CCDC171: variants seen among roughly 807,000 people sequenced by gnomAD.
CCDC171 encodes the protein coiled-coil domain-containing protein 171.
CCDC171 carries 177 observed loss-of-function variants against 168.2 expected under a neutral mutation model. That is an observed-to-expected ratio of 1.05 (90% CI 0.93 to 1.19). The LOEUF (loss-of-function observed/expected upper bound fraction) is 1.19. CCDC171 is among the 50% of genes most tolerant of loss of function. The probability of loss-of-function intolerance (pLI) is 0.00; values close to 1 mark genes in which losing one functional copy is unlikely to be tolerated. For missense variants in CCDC171, 1,991 were observed against 1,539.0 expected (o/e 1.29, Z -4.91); for synonymous variants, 687 against 540.8 (o/e 1.27, Z -3.75).
At chr9:15,618,690 A>T (rs144282991) in intron 6 of CCDC171, among the ~76,000 whole-genome samples, 1 of 152,148 alleles carries the variant, frequency 6.6e-6, no homozygotes, top group Non-Finnish European at 1.5e-5. Flanking sequence ...GCAAAAATCC[A>T]TGGGAAAAGC....
chr9:15,799,038 A>G (rs1240178352), intron 21 of CCDC171, among the ~76,000 whole-genome samples: 1 of 150,860 alleles, frequency 6.6e-6, no homozygotes, highest in Non-Finnish European at 1.5e-5. Flanking sequence ...CCTGTATTCT[A>G]AACTCCATAC....
At chr9:15,825,622 C>G (rs1354434869) in intron 21 of CCDC171, among the ~76,000 whole-genome samples, 2 of 152,090 alleles carry the variant, frequency 1.3e-5, no homozygotes, top group Non-Finnish European at 2.9e-5. Flanking sequence ...GATTGCCCAA[C>G]TTCATTACCC....
intron 8 of CCDC171, among the ~76,000 whole-genome samples, chr9:15,660,288 C>G (rs545308021): frequency 6.6e-6 from 1 of 152,146 alleles, no homozygotes; most frequent in East Asian, 1.9e-4. Context: ...CTGAAGTTTT[C>G]TTTTTCTTTT....
At chr9:15,584,696 T>C (rs1191802447) in intron 4 of CCDC171, among the ~76,000 whole-genome samples, 7 of 152,194 alleles carry the variant, frequency 4.6e-5, no homozygotes, top group Admixed American at 4.6e-4. Context: ...ACCTTCCTTC[T>C]GAGGCCCTCC....
intron 21 of CCDC171, among the ~76,000 whole-genome samples, chr9:15,835,344 A>C (rs2060397206): frequency 6.6e-6 from 1 of 152,228 alleles, no homozygotes; most frequent in South Asian, 2.1e-4. Flanking sequence ...GCACATTAAA[A>C]ATCAGTTTTA....
At chr9:15,721,923 C>A in intron 12 of CCDC171, 48 bp downstream of exon 12, 2 of 931,570 alleles carry the variant, frequency 2.1e-6, no homozygotes, top group Non-Finnish European at 3.1e-6. Flanking sequence ...TCGGCCTGTA[C>A]CAGTACGTAT....
intron 11 of CCDC171, among the ~76,000 whole-genome samples, chr9:15,704,961 G>T (rs924496406): frequency 2.0e-5 from 3 of 152,138 alleles, no homozygotes; most frequent in Non-Finnish European, 4.4e-5. Flanking sequence ...CCATTTATGA[G>T]CTTAGGTTAC....
intron 1 of CCDC171, among the ~76,000 whole-genome samples, chr9:16,058,597 G>C (rs565363343): frequency 6.6e-6 from 1 of 152,170 alleles, no homozygotes; most frequent in Non-Finnish European, 1.5e-5. Flanking sequence ...AGGAGTTACC[G>C]ATTCAGAAAC....
chr9:15,727,492 G>A (rs1020166367), intron 14 of CCDC171, among the ~76,000 whole-genome samples: 1 of 152,042 alleles, frequency 6.6e-6, no homozygotes, highest in Non-Finnish European at 1.5e-5. Flanking sequence ...TAGAATTACT[G>A]TACTGAGTTA....
chr9:15,998,439 C>G (rs936596186), intron 3 of CCDC171, among the ~76,000 whole-genome samples: 13 of 152,154 alleles, frequency 8.5e-5, no homozygotes, highest in Admixed American at 5.2e-4. Context: ...GTCTGTGGAT[C>G]AGGCATTTCA....
chr9:16,007,269 G>C (rs543568539), intron 3 of CCDC171, among the ~76,000 whole-genome samples: 2 of 151,760 alleles, frequency 1.3e-5, no homozygotes, highest in Non-Finnish European at 2.9e-5. Context: ...GCCCACTTTT[G>C]GATGGGGTTG....
intron 9 of CCDC171, among the ~76,000 whole-genome samples, chr9:15,676,964 G>T (rs561110158): frequency 6.6e-6 from 1 of 152,074 alleles, no homozygotes; most frequent in Non-Finnish European, 1.5e-5. Flanking sequence ...AATAATACGT[G>T]TGTTTCCATA....
At chr9:15,808,785 A>G (rs142263224) in intron 21 of CCDC171, among the ~76,000 whole-genome samples, 82 of 152,276 alleles carry the variant, frequency 5.4e-4, no homozygotes, top group African/African-American at 1.8e-3. Context: ...ACCCAGAATG[A>G]TAGGATGTTG....
At chr9:15,587,299 G>T (rs2041640874) in intron 4 of CCDC171, among the ~76,000 whole-genome samples, 1 of 152,174 alleles carries the variant, frequency 6.6e-6, no homozygotes, top group African/African-American at 2.4e-5. Context: ...GACCCAGTGG[G>T]AGATGATTGC....
intron 24 of CCDC171, among the ~76,000 whole-genome samples, chr9:15,903,160 G>C (rs1821961000): frequency 6.6e-6 from 1 of 152,198 alleles, no homozygotes; most frequent in Non-Finnish European, 1.5e-5. Flanking sequence ...AAATGTCCCT[G>C]TCTGACAGCT....
chr9:15,780,053 G>C (rs1172889665), intron 20 of CCDC171, among the ~76,000 whole-genome samples: 1 of 152,210 alleles, frequency 6.6e-6, no homozygotes, highest in Non-Finnish European at 1.5e-5. Context: ...GGAATTTACA[G>C]TTTTAACATT....
intron 21 of CCDC171, among the ~76,000 whole-genome samples, chr9:15,829,866 A>C (rs2060159095): frequency 6.6e-6 from 1 of 152,120 alleles, no homozygotes; most frequent in Non-Finnish European, 1.5e-5. Context: ...GCTGCAGTGA[A>C]CCATGATTGT....
At chr9:15,794,126 A>G (rs560424442) in intron 21 of CCDC171, among the ~76,000 whole-genome samples, 35 of 151,980 alleles carry the variant, frequency 2.3e-4, no homozygotes, top group Non-Finnish European at 4.4e-4. Flanking sequence ...TTATTTGATA[A>G]TCCTTGTTGG....
chr9:15,894,808 A>G, intron 24 of CCDC171, among the ~76,000 whole-genome samples: 1 of 151,656 alleles, frequency 6.6e-6, no homozygotes, highest in Non-Finnish European at 1.5e-5. Flanking sequence ...TACTAAAATA[A>G]CCTCCCTTCT....
Sources: allele counts gnomAD v4.1 joint callset (sites outside exome capture counted in the v4.1 genomes callset), GRCh38; gene constraint gnomAD v4.1.1; transcripts MANE v1.5; gene names NCBI Gene and HGNC (gene_info 2026-07-23, HGNC 2026-07-21).